Variants in RPS25 observed in about 807,000 individuals in gnomAD.
The protein encoded by RPS25 is small ribosomal subunit protein eS25.
In RPS25, 1 loss-of-function variant was observed where a neutral mutation model predicts 14.4. The observed-to-expected ratio is 0.07, with a 90% confidence interval of 0.02 to 0.33. The LOEUF (loss-of-function observed/expected upper bound fraction) is 0.33. Among genes scored for constraint, RPS25 ranks in the 10% least tolerant of loss-of-function variants. The pLI is 1.00. For synonymous variants in RPS25, 63 were observed against 53.8 expected (o/e 1.17, Z -0.75); for missense variants, 65 against 144.6 (o/e 0.45, Z 2.82).
chr11:119,016,872 T>C (rs1225340876), intron 3 of RPS25, among the ~76,000 whole-genome samples: 2 of 152,198 alleles, frequency 1.3e-5, no homozygotes, highest in Admixed American at 6.5e-5. Flanking sequence ...TTCACCCGCC[T>C]TGGCCTCCCA....
chr11:119,016,043 T>C (rs1475074130), intron 3 of RPS25, 104 bp from the exon 4 acceptor site: 2 of 698,832 alleles, frequency 2.9e-6, no homozygotes, highest in Non-Finnish European at 5.2e-6. Context: ...ATCCCACTGC[T>C]TTGGGAGGTG....
chr11:119,017,869 T>C, intron 2 of RPS25, 89 bp downstream of exon 2: 2 of 1,066,702 alleles, frequency 1.9e-6, no homozygotes, highest in Non-Finnish European at 2.9e-6. Context: ...AATCTACACC[T>C]GAAAAACCAC....
rs1201310944 is a variant in RPS25 at position 119,015,878 on chromosome 11, A to C, written c.345T>G (p.Gly115=). The C allele has an allele frequency of 6.2e-7, 1 of 1,611,708 alleles. No individual in the cohort carries two copies. The highest frequency in any genetic ancestry group is 2.2e-5 in the East Asian group (1 of 44,872). ...AQVIYTRNTK[G]GDAPAAGEDA The stretch of plus-strand genomic sequence containing the variant: ...CTTCACCAGCAGCTGGAGCATCTCC[A>C]CCCTTGGTATTTCTGGTGTAAATTA... Residue 115 remains glycine, a synonymous_variant, in exon 4 of 5, where the codon GGT becomes GGG. Transcript: ENST00000527673.
chr11:119,016,727 T>C (rs1181706128), intron 3 of RPS25, among the ~76,000 whole-genome samples: 4 of 147,630 alleles, frequency 2.7e-5, no homozygotes, highest in Non-Finnish European at 6.0e-5. Context: ...ATCTCCTGGG[T>C]TCAAGGGATC....
chr11:119,016,902 G>A (rs1003027653), intron 3 of RPS25, among the ~76,000 whole-genome samples: 4 of 152,006 alleles, frequency 2.6e-5, no homozygotes, highest in East Asian at 1.9e-4. Context: ...AATTATAGAC[G>A]TTCAGTCACT....
At position 119,015,768 on chromosome 11, in the gene RPS25, AAAATT is replaced by A; in HGVS notation, c.*5-15_*5-11del. On this transcript the variant is annotated splice_polypyrimidine_tract_variant and intron_variant, in intron 4 of 4. Coordinates refer to ENST00000527673, the MANE Select transcript of RPS25 (RefSeq NM_001028.3). ...GTACAGCTGGTTGGACCTGTAAAAA[AAAATT>A]AAAAGAATCAGAACCATAAAGCTTT... 7.6e-7 allele frequency: 1 copy of A among 1,323,328 alleles called. No homozygotes were observed. Among genetic ancestry groups the A allele is most frequent in the Non-Finnish European group, 1.1e-6 (1 of 932,618 alleles). The allele number at this position is 1,323,328 out of a possible 1,614,324, so 82.0% of individuals were successfully genotyped here.
At chr11:119,017,672 A>T in intron 2 of RPS25, 127 bp from the exon 3 acceptor site, 1 of 892,750 alleles carries the variant, frequency 1.1e-6, no homozygotes, top group East Asian at 2.9e-5. Context: ...TTACTAAAAC[A>T]AAAACAAAAA....
chr11:119,015,778 G>C lies in RPS25; in HGVS notation c.*5-20C>G, dbSNP rs1489349957. On this transcript the variant is annotated intron_variant, in intron 4 of 4. Coordinates refer to ENST00000527673, the MANE Select transcript of RPS25 (RefSeq NM_001028.3). ...TTGGACCTGTAAAAAAAAATTAAAA[G>C]AATCAGAACCATAAAGCTTTGTATC... 4 of 1,333,740 alleles carry C rather than the reference G, an allele frequency of 3.0e-6. No homozygotes were observed. Among genetic ancestry groups the C allele is most frequent in the African/African-American group, 1.5e-5 (1 of 67,824 alleles). The allele number at this position is 1,333,740 out of a possible 1,614,324, so 82.6% of individuals were successfully genotyped here.
chr11:119,016,075 GT>G, intron 3 of RPS25, 136 bp from the exon 4 acceptor site: 2 of 590,770 alleles, frequency 3.4e-6, no homozygotes, highest in Non-Finnish European at 6.2e-6. Context: ...ATAGCTTGAG[GT>G]AAGGAGTTGC....
chr11:119,017,083 CG>C (rs1565675828), intron 3 of RPS25, among the ~76,000 whole-genome samples: 1 of 152,146 alleles, frequency 6.6e-6, no homozygotes, highest in Non-Finnish European at 1.5e-5. Flanking sequence ...ATTTCAAAAA[CG>C]GTTGTCCCTG....
intron 1 of RPS25, 34 bp from the exon 2 acceptor site, chr11:119,018,087 T>C (rs1943209778): frequency 3.7e-6 from 6 of 1,600,772 alleles, no homozygotes; most frequent in Non-Finnish European, 5.1e-6. Context: ...AACCAGGTCC[T>C]CAAATAGCGC....
Position 119,018,306 on chromosome 11 carries a change from G to A in RPS25, c.-22C>T, listed in dbSNP as rs112148456. 6,050 of 1,614,142 alleles carry A rather than the reference G, an allele frequency of 3.7e-3. 218 individuals are homozygous for A. In the African/African-American group the frequency reaches 0.07, roughly 19 times the overall value. ...CCATTGCGAAGCTCGGAGAATAGCAGCAGACACCGCAGCCTCGTCAAGATG... is the reference window on the plus strand; with the variant it reads ...CCATTGCGAAGCTCGGAGAATAGCAACAGACACCGCAGCCTCGTCAAGATG... On this transcript the variant is annotated 5_prime_UTR_variant, in exon 1 of 5. Coordinates refer to ENST00000527673, the MANE Select transcript of RPS25 (RefSeq NM_001028.3).
chr11:119,018,294 C>G lies in RPS25; in HGVS notation c.-10G>C, dbSNP rs370934209. The G allele has an allele frequency of 6.8e-6, 11 of 1,614,022 alleles. No individual in the cohort carries two copies. The East Asian group carries it at 1.1e-4, about 16-fold the overall frequency. ...CCCTGAAGCTTACCATTGCGAAGCT[C>G]GGAGAATAGCAGCAGACACCGCAGC... On this transcript the variant is annotated 5_prime_UTR_variant, in exon 1 of 5. Coordinates refer to ENST00000527673, the MANE Select transcript of RPS25 (RefSeq NM_001028.3).
At chr11:119,016,390 G>A (rs1389701476) in intron 3 of RPS25, among the ~76,000 whole-genome samples, 7 of 152,022 alleles carry the variant, frequency 4.6e-5, no homozygotes, top group East Asian at 1.9e-4. Context: ...TGGCAAAACC[G>A]CATCTCTATT....
chr11:119,018,011 C>A lies in RPS25; in HGVS notation c.46G>T (p.Ala16Ser), dbSNP rs376242307. Reference sequence around the variant, plus strand: ...TTCACTGGGTCTTTGTCTTTCTTGGCCGACTTTCCAGCGTCCTTCTTCTTC... The same window carrying A: ...TTCACTGGGTCTTTGTCTTTCTTGGACGACTTTCCAGCGTCCTTCTTCTTC... ...DKKKKDAGKS[A>S]KKDKDPVNKS... The change falls in exon 2 of 5, where the codon GCC (alanine) becomes TCC (serine). Residue 16 changes from alanine (A) to serine (S), a missense_variant. Ala to Ser is a moderately conservative substitution (Grantham distance 99). Coordinates refer to ENST00000527673, the MANE Select transcript of RPS25 (RefSeq NM_001028.3). 1.2e-6 allele frequency: 2 copies of A among 1,612,192 alleles called. No individual in the cohort carries two copies. Among genetic ancestry groups the A allele is most frequent in the Non-Finnish European group, 1.7e-6 (2 of 1,180,004 alleles).
rs11827711 is a variant in RPS25 at position 119,018,253 on chromosome 11, G to C, written c.3+29C>G. The C allele has an allele frequency of 1.7e-3, 2,772 of 1,614,026 alleles. 45 individuals carry two copies. In the African/African-American group the frequency reaches 0.032, roughly 18 times the overall value. ...CCACTGAGTCCTCAAACCCAAGAACGCCGGCGACTTCACACCCCTGAAGCT... is the reference window on the plus strand; with the variant it reads ...CCACTGAGTCCTCAAACCCAAGAACCCCGGCGACTTCACACCCCTGAAGCT... On this transcript the variant is annotated intron_variant, in intron 1 of 4. Coordinates refer to ENST00000527673, the MANE Select transcript of RPS25 (RefSeq NM_001028.3).
At chr11:119,016,337 G>A (rs1448124270) in intron 3 of RPS25, among the ~76,000 whole-genome samples, 1 of 152,028 alleles carries the variant, frequency 6.6e-6, no homozygotes, top group Non-Finnish European at 1.5e-5. Context: ...CAGCACTTTG[G>A]ACAGGTGGAT....
rs782183167 is a variant in RPS25, at chr11:119,018,041, C to T, written c.16G>A (p.Asp6Asn). The T allele has an allele frequency of 6.2e-7, 1 of 1,612,266 alleles. No individual in the cohort carries two copies. Among genetic ancestry groups the T allele is most frequent in the African/African-American group, 1.3e-5 (1 of 74,944 alleles). Reference sequence around the variant, plus strand: ...TTTCCAGCGTCCTTCTTCTTCTTGTCGTCCTTAGGCGGCTGTAGGAGGGCA... The same window carrying T: ...TTTCCAGCGTCCTTCTTCTTCTTGTTGTCCTTAGGCGGCTGTAGGAGGGCA... MPPKD[D>N]KKKKDAGKSA... is the part of the protein sequence containing the mutation. Residue 6 changes from aspartate to asparagine, a missense_variant, in exon 2 of 5, where the codon GAC (aspartate) becomes AAC (asparagine). By Grantham distance (23) the Asp-to-Asn change is conservative. Coordinates refer to ENST00000527673, the MANE Select transcript of RPS25 (RefSeq NM_001028.3).
intron 3 of RPS25, 69 bp from the exon 4 acceptor site, chr11:119,016,008 C>A: frequency 1.0e-6 from 1 of 997,454 alleles, no homozygotes; most frequent in South Asian, 1.3e-5. Context: ...AGGTTTTTGG[C>A]TGGGCGCGGT....
Sources: gnomAD v4.1 joint callset for allele counts (sites outside exome capture counted in the v4.1 genomes callset) on GRCh38, gnomAD v4.1.1 for gene constraint, MANE v1.5 for transcripts, NCBI Gene and HGNC (gene_info 2026-07-23, HGNC 2026-07-21) for gene names.